CNGB3: variants seen among roughly 807,000 people sequenced by gnomAD.
CNGB3 encodes cyclic nucleotide-gated channel beta-3.
In CNGB3, 86 loss-of-function variants were observed where a neutral mutation model predicts 92.8. That is an observed-to-expected ratio of 0.93 (90% CI 0.78 to 1.11). The LOEUF (loss-of-function observed/expected upper bound fraction) is 1.11, where lower values mean the gene tolerates loss of function less well. Among genes scored for constraint, CNGB3 ranks in the 50% least tolerant of loss-of-function variants. The pLI is 0.00. For synonymous variants in CNGB3, 333 were observed against 332.7 expected (o/e 1.00, Z -0.01); for missense variants, 1,026 against 956.8 (o/e 1.07, Z -0.95).
chr8:86,667,205 G>A (rs947148181), intron 5 of CNGB3, 72 bp from the exon 6 acceptor site: 1 of 1,334,122 alleles, frequency 7.5e-7, no homozygotes. Context: ...TGCTTAGTTT[G>A]GGGAGGTTGG....
intron 3 of CNGB3, among the ~76,000 whole-genome samples, chr8:86,677,719 G>C (rs1824002366): frequency 6.6e-6 from 1 of 152,208 alleles, no homozygotes; most frequent in African/African-American, 2.4e-5. Flanking sequence ...AAGGAAGTCA[G>C]TGGCATCTTA....
At chr8:86,735,399 A>G (rs1825234167) in intron 2 of CNGB3, among the ~76,000 whole-genome samples, 1 of 151,966 alleles carries the variant, frequency 6.6e-6, no homozygotes, top group South Asian at 2.1e-4. Context: ...AATTCTCTTA[A>G]AGCTGTATGT....
intron 14 of CNGB3, among the ~76,000 whole-genome samples, chr8:86,605,127 C>T (rs545282124): frequency 6.6e-6 from 1 of 152,150 alleles, no homozygotes; most frequent in Admixed American, 6.6e-5. Flanking sequence ...TGTCTGATTT[C>T]TCTCGTGTTT....
intron 6 of CNGB3, chr8:86,661,596 C>T: frequency 1.3e-6 from 1 of 773,258 alleles, no homozygotes; most frequent in Non-Finnish European, 2.3e-6. Flanking sequence ...CCTTCATCCT[C>T]CAACTTTTTC....
At chr8:86,636,963 A>G (rs1190604113) in intron 10 of CNGB3, among the ~76,000 whole-genome samples, 1 of 152,218 alleles carries the variant, frequency 6.6e-6, no homozygotes, top group Non-Finnish European at 1.5e-5. Context: ...ATATTCTATT[A>G]TATATGTGCA....
chr8:86,726,442 C>T (rs1230513692), intron 3 of CNGB3, 89 bp downstream of exon 3: 4 of 1,548,940 alleles, frequency 2.6e-6, no homozygotes, highest in Non-Finnish European at 3.6e-6. Context: ...CCCTTATATT[C>T]AGCTAAAGGG....
rs555279168 is a variant in CNGB3 at position 86,733,823 on chromosome 8, A to G, written c.211+5832T>C. 2.0e-5 allele frequency among the ~76,000 whole-genome samples: 3 copies of G among 152,224 alleles called. No homozygotes were observed. The South Asian group carries it at 6.2e-4, about 32-fold the overall frequency. On this transcript the variant is annotated intron_variant, in intron 2 of 17. Coordinates refer to ENST00000320005, the MANE Select transcript of CNGB3 (RefSeq NM_019098.5). ...GACTGAAGAGTGGTTTCCTATTTAA[A>G]CATCCACTACCTTTTCTGAAAAACT...
chr8:86,581,195 G>T (rs577874643), intron 15 of CNGB3, among the ~76,000 whole-genome samples: 1 of 152,132 alleles, frequency 6.6e-6, no homozygotes, highest in East Asian at 1.9e-4. Flanking sequence ...GCAAACTACC[G>T]CCCCCAAATC....
intron 2 of CNGB3, among the ~76,000 whole-genome samples, chr8:86,739,364 C>T (rs1250310157): frequency 6.6e-6 from 1 of 152,164 alleles, no homozygotes; most frequent in Non-Finnish European, 1.5e-5. Context: ...CTTTAGACTA[C>T]AAGCTCTATG....
chr8:86,639,547 T>C (rs891527588), intron 10 of CNGB3, among the ~76,000 whole-genome samples: 7 of 152,022 alleles, frequency 4.6e-5, no homozygotes, highest in African/African-American at 1.7e-4. Context: ...AGGTCAAAAT[T>C]TGCAAATCCA....
At chr8:86,708,652 C>T (rs1225994991) in intron 3 of CNGB3, among the ~76,000 whole-genome samples, 5 of 146,542 alleles carry the variant, frequency 3.4e-5, no homozygotes, top group Non-Finnish European at 7.4e-5. Flanking sequence ...ACTGTAGCCT[C>T]GACTTCCTGG....
intron 15 of CNGB3, among the ~76,000 whole-genome samples, chr8:86,580,270 A>T (rs544235752): frequency 1.8e-3 from 270 of 152,130 alleles, no homozygotes; most frequent in African/African-American, 6.3e-3. Flanking sequence ...GGGGATTACA[A>T]TTTGAGAAAA....
At chr8:86,578,261 T>G (rs1005721469) in intron 17 of CNGB3, among the ~76,000 whole-genome samples, 7 of 152,130 alleles carry the variant, frequency 4.6e-5, no homozygotes, top group African/African-American at 1.7e-4. Flanking sequence ...AGAGTGCCTC[T>G]TTTTTCAAAC....
At chr8:86,690,132 T>C (rs1470789289) in intron 3 of CNGB3, among the ~76,000 whole-genome samples, 4 of 152,162 alleles carry the variant, frequency 2.6e-5, no homozygotes, top group South Asian at 2.1e-4. Context: ...CCTGAGGGAT[T>C]GCCACACTGA....
chr8:86,709,275 C>T (rs558701328), intron 3 of CNGB3, among the ~76,000 whole-genome samples: 1 of 152,260 alleles, frequency 6.6e-6, no homozygotes, highest in East Asian at 1.9e-4. Context: ...GTTACATTTG[C>T]CGGTGGAAGC....
chr8:86,733,663 G>A (rs532701105), intron 2 of CNGB3, among the ~76,000 whole-genome samples: 1 of 152,300 alleles, frequency 6.6e-6, no homozygotes, highest in East Asian at 1.9e-4. Flanking sequence ...TCCTATGCAT[G>A]TCAATCAAAC....
At chr8:86,644,106 C>T (rs1031165529) in intron 9 of CNGB3, among the ~76,000 whole-genome samples, 5 of 151,082 alleles carry the variant, frequency 3.3e-5, no homozygotes, top group Non-Finnish European at 7.4e-5. Flanking sequence ...AAAACTTCCT[C>T]TCTTTTCACA....
intron 3 of CNGB3, among the ~76,000 whole-genome samples, chr8:86,675,543 G>A (rs921000286): frequency 6.6e-6 from 1 of 152,128 alleles, no homozygotes; most frequent in Non-Finnish European, 1.5e-5. Flanking sequence ...AGCCTCCTGT[G>A]TAGCTGGCAA....
chr8:86,733,992 T>C (rs542539980), intron 2 of CNGB3, among the ~76,000 whole-genome samples: 1 of 152,170 alleles, frequency 6.6e-6, no homozygotes, highest in South Asian at 2.1e-4. Flanking sequence ...CTCATTCTCC[T>C]GAGTAGCTGG....
Sources: allele counts gnomAD v4.1 joint callset (sites outside exome capture counted in the v4.1 genomes callset), GRCh38; gene constraint gnomAD v4.1.1; transcripts MANE v1.5; gene names NCBI Gene and HGNC (gene_info 2026-07-23, HGNC 2026-07-21).